The following GRB14 variants were observed in gnomAD, a reference collection of about 807,000 sequenced individuals.
GRB14 encodes growth factor receptor bound protein 14.
A neutral mutation model predicts 69.1 loss-of-function variants in GRB14; 38 were observed. The observed-to-expected ratio is 0.55, with a 90% CI of 0.42 to 0.72. The LOEUF (loss-of-function observed/expected upper bound fraction) is 0.72. Ranked by LOEUF, GRB14 falls within the 30% of genes least tolerant of loss-of-function variation. The pLI is 0.00. For synonymous variants in GRB14, 247 were observed against 241.3 expected (o/e 1.02, Z -0.22); for missense variants, 666 against 666.1 (o/e 1.00, Z 0.00).
intron 2 of GRB14, among the ~76,000 whole-genome samples, chr2:164,590,524 C>A (rs867706613): frequency 1.3e-5 from 2 of 152,166 alleles, no homozygotes; most frequent in Non-Finnish European, 2.9e-5. Context: ...TTATGCCACA[C>A]TCAAATAAAG....
At position 164,508,446 on chromosome 2, in the gene GRB14, C is replaced by T. The variant is rs572166040; in HGVS notation, c.1023+9G>A. 1.5e-5 allele frequency: 24 copies of T among 1,607,040 alleles called. 1 individual carries two copies. In the East Asian group the frequency reaches 2.9e-4, roughly 19 times the overall value. ...AGTTAATAGAAATTCATGCCTCCGGCGAGATTACCTTAAGCAATCTAATCG... is the reference window on the plus strand; with the variant it reads ...AGTTAATAGAAATTCATGCCTCCGGTGAGATTACCTTAAGCAATCTAATCG... On this transcript the variant is annotated intron_variant, in intron 8 of 13. Coordinates refer to ENST00000263915, the MANE Select transcript of GRB14 (RefSeq NM_004490.3).
At position 164,612,991 on chromosome 2, in the gene GRB14, A is replaced by G. The variant is rs1690202383; in HGVS notation, c.324+6696T>C. On this transcript the variant is annotated intron_variant, in intron 2 of 13. Transcript: ENST00000263915. ...TTCTCCTACAATGAAGGTAACTAGCATAAGGTGGGAAGGAACCTGAGTTGG... is the reference window on the plus strand; with the variant it reads ...TTCTCCTACAATGAAGGTAACTAGCGTAAGGTGGGAAGGAACCTGAGTTGG... Among the ~76,000 whole-genome samples the G allele has an allele frequency of 3.3e-5, 5 of 152,222 alleles. No individual in the cohort carries two copies. In the South Asian group the frequency reaches 1.0e-3, roughly 31 times the overall value.
At chr2:164,597,759 A>G (rs539537702) in intron 2 of GRB14, among the ~76,000 whole-genome samples, 1 of 152,136 alleles carries the variant, frequency 6.6e-6, no homozygotes, top group Middle Eastern at 3.4e-3. Flanking sequence ...GGAGGAGACA[A>G]GGAAAGAGAA....
At chr2:164,505,716 T>C (rs930077406) in intron 8 of GRB14, among the ~76,000 whole-genome samples, 8 of 152,232 alleles carry the variant, frequency 5.3e-5, no homozygotes, top group Non-Finnish European at 1.2e-4. Flanking sequence ...TATATACATC[T>C]GAGTGTATAC....
intron 2 of GRB14, among the ~76,000 whole-genome samples, chr2:164,599,494 G>C (rs1237867377): frequency 1.3e-5 from 2 of 152,132 alleles, no homozygotes; most frequent in East Asian, 3.9e-4. Context: ...AGATAAAAAA[G>C]AATAAGGAAC....
At chr2:164,555,489 G>T (rs1286091971) in intron 2 of GRB14, among the ~76,000 whole-genome samples, 2 of 151,938 alleles carry the variant, frequency 1.3e-5, no homozygotes, top group African/African-American at 4.8e-5. Flanking sequence ...GAGCAAAAGT[G>T]AAAGAAAAAG....
At chr2:164,616,240 C>T (rs185300057) in intron 2 of GRB14, among the ~76,000 whole-genome samples, 17 of 151,772 alleles carry the variant, frequency 1.1e-4, no homozygotes, top group African/African-American at 2.9e-4. Flanking sequence ...CTGGCTAACA[C>T]GGTAAAACCC....
intron 2 of GRB14, among the ~76,000 whole-genome samples, chr2:164,586,229 T>G (rs983608688): frequency 6.6e-6 from 1 of 152,160 alleles, no homozygotes; most frequent in African/African-American, 2.4e-5. Context: ...GTAACATATT[T>G]GGATTTGAGT....
chr2:164,557,003 T>G (rs1348871292), intron 2 of GRB14, among the ~76,000 whole-genome samples: 1 of 152,230 alleles, frequency 6.6e-6, no homozygotes, highest in East Asian at 1.9e-4. Flanking sequence ...AAGACACATG[T>G]GAACCAAAGA....
At chr2:164,525,819 C>G (rs1687756580) in intron 4 of GRB14, among the ~76,000 whole-genome samples, 2 of 151,952 alleles carry the variant, frequency 1.3e-5, no homozygotes, top group South Asian at 4.2e-4. Context: ...GGGGGGCACT[C>G]CTGCATATTA....
chr2:164,589,567 G>A (rs1689612498), intron 2 of GRB14, among the ~76,000 whole-genome samples: 1 of 152,050 alleles, frequency 6.6e-6, no homozygotes, highest in Admixed American at 6.6e-5. Context: ...GGAGGTGTCA[G>A]GCTCTTTTTA....
chr2:164,530,752 T>A (rs972385270), intron 3 of GRB14, among the ~76,000 whole-genome samples: 3 of 151,932 alleles, frequency 2.0e-5, no homozygotes, highest in African/African-American at 7.3e-5. Context: ...GTTAAGGAAA[T>A]AATGGGGATG....
chr2:164,566,680 T>C (rs550495859), intron 2 of GRB14, among the ~76,000 whole-genome samples: 4 of 152,190 alleles, frequency 2.6e-5, no homozygotes, highest in African/African-American at 9.6e-5. Context: ...TTGTTCAAAC[T>C]CCTTGAAAAT....
intron 3 of GRB14, among the ~76,000 whole-genome samples, chr2:164,535,232 A>C (rs1287073858): frequency 6.6e-6 from 1 of 152,206 alleles, no homozygotes; most frequent in Non-Finnish European, 1.5e-5. Context: ...AATATTACCA[A>C]ATAATGATAA....
intron 2 of GRB14, among the ~76,000 whole-genome samples, chr2:164,610,382 A>G (rs2105358932): frequency 6.6e-6 from 1 of 152,260 alleles, no homozygotes; most frequent in African/African-American, 2.4e-5. Context: ...TAATTATACT[A>G]TATAAAAAAT....
At chr2:164,538,800 A>T (rs1481599642) in intron 3 of GRB14, among the ~76,000 whole-genome samples, 1 of 152,244 alleles carries the variant, frequency 6.6e-6, no homozygotes, top group Non-Finnish European at 1.5e-5. Context: ...GGTAACTTTT[A>T]GCATGATTCT....
intron 2 of GRB14, among the ~76,000 whole-genome samples, chr2:164,571,885 T>C (rs1358460678): frequency 6.6e-6 from 1 of 152,252 alleles, no homozygotes; most frequent in African/African-American, 2.4e-5. Flanking sequence ...TTCCACATTT[T>C]ATTATTAAAT....
chr2:164,601,971 C>T (rs945189555), intron 2 of GRB14, among the ~76,000 whole-genome samples: 5 of 151,938 alleles, frequency 3.3e-5, no homozygotes, highest in Non-Finnish European at 7.4e-5. Context: ...AAATCTAAAA[C>T]CGGTTCTGCT....
chr2:164,512,694 C>T (rs1687371147), intron 6 of GRB14, among the ~76,000 whole-genome samples: 1 of 152,112 alleles, frequency 6.6e-6, no homozygotes, highest in South Asian at 2.1e-4. Context: ...AAGACCCACA[C>T]ACAAGAACAG....
Sources: gnomAD v4.1 joint callset for allele counts (sites outside exome capture counted in the v4.1 genomes callset) on GRCh38, gnomAD v4.1.1 for gene constraint, MANE v1.5 for transcripts, NCBI Gene and HGNC (gene_info 2026-07-23, HGNC 2026-07-21) for gene names.